CNTN3: variants seen among roughly 807,000 people sequenced by gnomAD.
CNTN3 encodes contactin-3.
Under a neutral mutation model 119.1 loss-of-function variants are expected in CNTN3, and 60 were observed. The observed-to-expected ratio is 0.50, with a 90% confidence interval of 0.41 to 0.62. The LOEUF (loss-of-function observed/expected upper bound fraction) is 0.62. Ranked by LOEUF, CNTN3 falls within the 20% of genes least tolerant of loss-of-function variation. The pLI is 0.00. For missense variants in CNTN3, 1,101 were observed against 1,242.4 expected, an observed-to-expected ratio of 0.89 and a Z score of 1.71; for synonymous variants, 450 against 438.7, an observed-to-expected ratio of 1.03 and a Z score of -0.32.
intron 4 of CNTN3, among the ~76,000 whole-genome samples, chr3:74,437,420 C>T (rs1224582185): frequency 2.6e-5 from 4 of 152,026 alleles, no homozygotes; most frequent in African/African-American, 9.7e-5. Context: ...CGAGATCGCA[C>T]CACTGCACTC....
At chr3:74,362,145 G>A in intron 10 of CNTN3, 105 bp from the exon 11 acceptor site, 3 of 1,226,282 alleles carry the variant, frequency 2.4e-6, no homozygotes, top group South Asian at 1.5e-5. Flanking sequence ...TTACATTCAG[G>A]GTGTCAGTGC....
chr3:74,611,217 T>C (rs999689557), intron 1 of CNTN3, among the ~76,000 whole-genome samples: 1 of 152,222 alleles, frequency 6.6e-6, no homozygotes, highest in African/African-American at 2.4e-5. Context: ...AATAGTCATT[T>C]TTCCTCATTC....
chr3:74,538,939 C>T (rs908215859), intron 1 of CNTN3, among the ~76,000 whole-genome samples: 2 of 152,042 alleles, frequency 1.3e-5, no homozygotes, highest in African/African-American at 4.8e-5. Flanking sequence ...TTTAACTGGG[C>T]AGTACCATGG....
intron 4 of CNTN3, among the ~76,000 whole-genome samples, chr3:74,477,001 G>A (rs1477857814): frequency 1.3e-5 from 2 of 152,080 alleles, no homozygotes; most frequent in African/African-American, 4.8e-5. Flanking sequence ...AATAGGCATG[G>A]GGGATAAGCA....
chr3:74,515,235 T>C (rs757005741), intron 2 of CNTN3, among the ~76,000 whole-genome samples: 1 of 151,966 alleles, frequency 6.6e-6, no homozygotes, highest in African/African-American at 2.4e-5. Flanking sequence ...ATGTGGGAGA[T>C]AGACACTGCA....
At chr3:74,300,761 A>T (rs1702438375) in intron 16 of CNTN3, among the ~76,000 whole-genome samples, 1 of 152,200 alleles carries the variant, frequency 6.6e-6, no homozygotes, top group Non-Finnish European at 1.5e-5. Flanking sequence ...ATTAAATAAT[A>T]TTACAGATTC....
At chr3:74,388,905 T>C (rs1436907442) in intron 5 of CNTN3, among the ~76,000 whole-genome samples, 6 of 152,192 alleles carry the variant, frequency 3.9e-5, no homozygotes, top group Non-Finnish European at 8.8e-5. Context: ...AGTTACCACA[T>C]TTTCATTTGA....
intron 5 of CNTN3, among the ~76,000 whole-genome samples, chr3:74,406,654 T>C (rs1383073045): frequency 1.3e-5 from 2 of 152,130 alleles, no homozygotes; most frequent in Non-Finnish European, 2.9e-5. Context: ...AGTAAATTGC[T>C]TATTTTTTTC....
chr3:74,592,764 A>AT (rs1336882989), intron 1 of CNTN3, among the ~76,000 whole-genome samples: 1 of 152,004 alleles, frequency 6.6e-6, no homozygotes, highest in Non-Finnish European at 1.5e-5. Flanking sequence ...TAATAAACTG[A>AT]TTTTTTAAAA....
chr3:74,299,260 T>C (rs1472535708), intron 17 of CNTN3, among the ~76,000 whole-genome samples: 1 of 152,200 alleles, frequency 6.6e-6, no homozygotes, highest in African/African-American at 2.4e-5. Flanking sequence ...ACTTGAGTCG[T>C]GTCAAAAATT....
At chr3:74,340,783 T>C (rs1398092395) in intron 11 of CNTN3, among the ~76,000 whole-genome samples, 1 of 152,126 alleles carries the variant, frequency 6.6e-6, no homozygotes, top group African/African-American at 2.4e-5. Flanking sequence ...TAGTAAGCCT[T>C]AAAACAAAGT....
intron 5 of CNTN3, among the ~76,000 whole-genome samples, chr3:74,385,772 A>G (rs1458019007): frequency 6.6e-6 from 1 of 152,236 alleles, no homozygotes; most frequent in South Asian, 2.1e-4. Flanking sequence ...CTAATTCTAT[A>G]TTATAAAATA....
At chr3:74,517,848 T>C (rs2107116605) in intron 2 of CNTN3, among the ~76,000 whole-genome samples, 1 of 152,040 alleles carries the variant, frequency 6.6e-6, no homozygotes, top group South Asian at 2.1e-4. Flanking sequence ...CTCCCTATCC[T>C]GATCTCCTGC....
At chr3:74,528,779 A>C (rs1703655457) in intron 1 of CNTN3, among the ~76,000 whole-genome samples, 1 of 151,924 alleles carries the variant, frequency 6.6e-6, no homozygotes, top group African/African-American at 2.4e-5. Context: ...CCGGCAATTG[A>C]AAGTTTAATT....
At chr3:74,594,113 A>G (rs1005097978) in intron 1 of CNTN3, among the ~76,000 whole-genome samples, 2 of 151,884 alleles carry the variant, frequency 1.3e-5, no homozygotes, top group African/African-American at 4.8e-5. Flanking sequence ...GCAAACTCTG[A>G]ATAGATTGTA....
At chr3:74,269,614 GC>G (rs1471050745) in intron 20 of CNTN3, among the ~76,000 whole-genome samples, 1 of 152,100 alleles carries the variant, frequency 6.6e-6, no homozygotes, top group Non-Finnish European at 1.5e-5. Context: ...GTTCATGACA[GC>G]ATTATTCAAA....
chr3:74,496,638 T>G (rs1703069564), intron 3 of CNTN3, among the ~76,000 whole-genome samples: 1 of 152,010 alleles, frequency 6.6e-6, no homozygotes, highest in Non-Finnish European at 1.5e-5. Context: ...GATTGGACAT[T>G]TCTAACCCCA....
intron 13 of CNTN3, among the ~76,000 whole-genome samples, chr3:74,309,176 C>T (rs1702626677): frequency 6.6e-6 from 1 of 152,064 alleles, no homozygotes; most frequent in South Asian, 2.1e-4. Context: ...ATGATCTTAG[C>T]ACCCTGCAAC....
At chr3:74,352,160 G>T (rs1424971003) in intron 11 of CNTN3, among the ~76,000 whole-genome samples, 1 of 152,124 alleles carries the variant, frequency 6.6e-6, no homozygotes, top group Non-Finnish European at 1.5e-5. Flanking sequence ...TGACACAACT[G>T]GAATAAAAGA....
Sources: gnomAD v4.1 joint callset for allele counts (sites outside exome capture counted in the v4.1 genomes callset) on GRCh38, gnomAD v4.1.1 for gene constraint, MANE v1.5 for transcripts, NCBI Gene and HGNC (gene_info 2026-07-23, HGNC 2026-07-21) for gene names.